NEXMIF: variants seen among roughly 807,000 people sequenced by gnomAD.
The protein encoded by NEXMIF is XLMR protein related to neurite extension.
A neutral mutation model predicts 62.1 loss-of-function variants in NEXMIF; 8 were observed. That is an observed-to-expected ratio of 0.13 (90% confidence interval 0.08 to 0.23). The LOEUF (loss-of-function observed/expected upper bound fraction) is 0.23, where lower values mean the gene tolerates loss of function less well. NEXMIF is among the 10% of genes least tolerant of loss of function. The pLI is 1.00. For missense variants in NEXMIF, 976 were observed against 1,113.3 expected (o/e 0.88, Z 1.75); for synonymous variants, 404 against 416.6 (o/e 0.97, Z 0.37).
At chrX:74,769,927 T>C (rs1376589731) in intron 1 of NEXMIF, 3 of 238,475 alleles carry the variant, frequency 1.3e-5, no homozygotes, top group African/African-American at 8.6e-5. Context: ...GTAATATAAA[T>C]ACACACACAG....
chrX:74,744,386 G>A lies in NEXMIF; in HGVS notation c.171C>T (p.Thr57=). Residue 57 remains threonine (T), a synonymous_variant, in exon 3 of 4, where the codon ACC becomes ACT. Transcript: ENST00000055682. ...GCAGGAGACCTCTGGGATACATCAG[G>A]GTCTCTTTTTGTGCCACCGGTGTAG... ...IQPTPVAQKE[T]LMYPRGLLPL... is the part of the protein sequence containing the mutation. The A allele has an allele frequency of 8.3e-7, 1 of 1,210,234 alleles. No homozygotes were observed. Among genetic ancestry groups the A allele is most frequent in the Non-Finnish European group, 1.1e-6 (1 of 894,573 alleles).
At chrX:74,761,486 T>C (rs1043346496) in intron 1 of NEXMIF, among the ~76,000 whole-genome samples, 1 of 111,579 alleles carries the variant, frequency 9.0e-6, no homozygotes, top group Non-Finnish European at 1.9e-5. Context: ...CCATCTCTTC[T>C]AGGTTTTCCA....
At chrX:74,873,774 G>A (rs944764705) in intron 1 of NEXMIF, among the ~76,000 whole-genome samples, 13 of 112,055 alleles carry the variant, frequency 1.2e-4, no homozygotes, top group Non-Finnish European at 2.4e-4. Flanking sequence ...GTGTTTTTTG[G>A]CTGCATAAAT....
chrX:74,884,093 T>C (rs918575744), intron 1 of NEXMIF, among the ~76,000 whole-genome samples: 5 of 111,595 alleles, frequency 4.5e-5, no homozygotes, highest in Non-Finnish European at 7.5e-5. Flanking sequence ...GACAAGCAAA[T>C]GCTGAGAGAT....
In NEXMIF at chrX:74,880,029, G is replaced by A. The variant is rs929573725; in HGVS notation, c.-48+44854C>T. 1.6e-4 allele frequency among the ~76,000 whole-genome samples: 18 copies of A among 111,841 alleles called. No homozygotes were observed. In the Admixed American group the frequency reaches 1.7e-3, roughly 11 times the overall value. On this transcript the variant is annotated intron_variant, in intron 1 of 3. Transcript: ENST00000055682. The stretch of plus-strand genomic sequence containing the variant: ...ATATTATGTATACATGTATAAACTC[G>A]TAAGTACTCACCATTGAACTGTATC...
intron 1 of NEXMIF, among the ~76,000 whole-genome samples, chrX:74,750,708 A>G (rs1292475774): frequency 9.0e-6 from 1 of 111,170 alleles, no homozygotes; most frequent in Non-Finnish European, 1.9e-5. Context: ...GGCTAATTCT[A>G]TTTTCAGATA....
chrX:74,860,057 G>A (rs1033209198), intron 1 of NEXMIF, among the ~76,000 whole-genome samples: 3 of 111,292 alleles, frequency 2.7e-5, no homozygotes, highest in Non-Finnish European at 5.7e-5. Flanking sequence ...AACATTGACT[G>A]TAAATGGACT....
At chrX:74,792,930 A>G (rs2080290426) in intron 1 of NEXMIF, among the ~76,000 whole-genome samples, 1 of 105,945 alleles carries the variant, frequency 9.4e-6, no homozygotes, top group Non-Finnish European at 1.9e-5. Flanking sequence ...TCTTTATCCA[A>G]TTTGCCAGTC....
At chrX:74,902,283 T>C (rs986117771) in intron 1 of NEXMIF, among the ~76,000 whole-genome samples, 5 of 109,629 alleles carry the variant, frequency 4.6e-5, no homozygotes, top group Non-Finnish European at 7.6e-5. Flanking sequence ...CCTGGAATTA[T>C]AGCAACCAAG....
rs562983995 is a variant in NEXMIF, at chrX:74,853,246, G to A, written c.-48+71637C>T. Among the ~76,000 whole-genome samples, 6 of 110,003 alleles carry A rather than the reference G, an allele frequency of 5.5e-5. No homozygotes were observed. The South Asian group carries it at 2.4e-3, about 44-fold the overall frequency. ...CTCTAGTTTGTGGCAAAACATAATC[G>A]GTTTTGTACAGAGGCTTGAGGAGGC... On this transcript the variant is annotated intron_variant, in intron 1 of 3. Coordinates refer to ENST00000055682, the MANE Select transcript of NEXMIF (RefSeq NM_001008537.3).
chrX:74,759,208 G>A (rs929976644), intron 1 of NEXMIF, among the ~76,000 whole-genome samples: 9 of 112,017 alleles, frequency 8.0e-5, no homozygotes, highest in Admixed American at 3.8e-4. Context: ...GTCTGTTCAT[G>A]TCCTTTGCCC....
rs1165482934 is a variant in NEXMIF, at chrX:74,841,925, T to C, written c.-48+82958A>G. On this transcript the variant is annotated intron_variant, in intron 1 of 3. Transcript: ENST00000055682. ...TTTGTATCAATGTTCATCAAGGATA[T>C]TGACCTGAAGTTTTCTTTTGCTGTT... is the stretch of plus-strand genomic sequence containing the variant. 2.7e-5 allele frequency among the ~76,000 whole-genome samples: 3 copies of C among 111,656 alleles called. No individual in the cohort carries two copies. The East Asian group carries it at 8.5e-4, about 32-fold the overall frequency.
chrX:74,767,133 G>C (rs1345146989), intron 1 of NEXMIF, among the ~76,000 whole-genome samples: 3 of 112,682 alleles, frequency 2.7e-5, no homozygotes, highest in African/African-American at 9.6e-5. Flanking sequence ...CTCTGTCCCA[G>C]GGAGCTGCAG....
At chrX:74,881,685 G>GCCTCTACCCA (rs1569361842) in intron 1 of NEXMIF, among the ~76,000 whole-genome samples, 1 of 112,174 alleles carries the variant, frequency 8.9e-6, no homozygotes, top group Non-Finnish European at 1.9e-5. Context: ...ATTGCCAAAT[G>GCCTCTACCCA]TCCTAAATGG....
At chrX:74,870,330 A>T (rs775658350) in intron 1 of NEXMIF, among the ~76,000 whole-genome samples, 12 of 111,560 alleles carry the variant, frequency 1.1e-4, no homozygotes, top group African/African-American at 3.6e-4. Context: ...ATCAAAATAG[A>T]TTAAAGACTG....
chrX:74,881,818 A>C (rs751441327), intron 1 of NEXMIF, among the ~76,000 whole-genome samples: 2 of 112,042 alleles, frequency 1.8e-5, no homozygotes, highest in Non-Finnish European at 3.8e-5. Flanking sequence ...TTCACTTAGC[A>C]GTGCTTCTAG....
At chrX:74,748,383 C>T (rs775090051) in intron 1 of NEXMIF, among the ~76,000 whole-genome samples, 25 of 111,871 alleles carry the variant, frequency 2.2e-4, no homozygotes, top group Non-Finnish European at 4.3e-4. Flanking sequence ...TATTTTTCTA[C>T]ATACCTATTT....
chrX:74,776,173 A>G (rs953580211), intron 1 of NEXMIF, among the ~76,000 whole-genome samples: 4 of 111,327 alleles, frequency 3.6e-5, no homozygotes, highest in African/African-American at 1.3e-4. Flanking sequence ...TCATTTCTCC[A>G]TGTACCTTAA....
At chrX:74,759,367 G>A (rs1238748973) in intron 1 of NEXMIF, among the ~76,000 whole-genome samples, 1 of 111,967 alleles carries the variant, frequency 8.9e-6, no homozygotes, top group Non-Finnish European at 1.9e-5. Flanking sequence ...AGTTTCTTTC[G>A]CTGTACAGAA....
Sources: allele counts gnomAD v4.1 joint callset (sites outside exome capture counted in the v4.1 genomes callset), GRCh38; gene constraint gnomAD v4.1.1; transcripts MANE v1.5; gene names NCBI Gene and HGNC (gene_info 2026-07-23, HGNC 2026-07-21).